TSNARE1: variants seen among roughly 807,000 people sequenced by gnomAD.
TSNARE1 encodes the protein t-SNARE domain-containing protein 1.
In TSNARE1, 49 loss-of-function variants were observed where a neutral mutation model predicts 62.0. The ratio of observed to expected loss-of-function variants is 0.79; its 90% CI spans 0.63 to 1.00. TSNARE1 has a LOEUF of 1.00. Ranked by LOEUF, TSNARE1 falls within the 50% of genes least tolerant of loss-of-function variation. The pLI is 0.00. For synonymous variants in TSNARE1, 328 were observed against 294.4 expected, an observed-to-expected ratio of 1.11 and a Z score of -1.17; for missense variants, 755 against 700.1, an observed-to-expected ratio of 1.08 and a Z score of -0.88.
intron 1 of TSNARE1, among the ~76,000 whole-genome samples, chr8:142,393,093 A>G (rs1286081635): frequency 6.6e-6 from 1 of 152,208 alleles, no homozygotes; most frequent in Non-Finnish European, 1.5e-5. Flanking sequence ...TCAAAATAGT[A>G]AAGTAAAAGG....
intron 10 of TSNARE1, among the ~76,000 whole-genome samples, chr8:142,297,875 G>A (rs944729945): frequency 3.3e-5 from 5 of 152,166 alleles, no homozygotes; most frequent in Non-Finnish European, 5.9e-5. Context: ...GTGTACAGAC[G>A]CCTTCCAAGA....
intron 1 of TSNARE1, among the ~76,000 whole-genome samples, chr8:142,397,662 G>C (rs1339232271): frequency 6.6e-6 from 1 of 152,220 alleles, no homozygotes; most frequent in African/African-American, 2.4e-5. Flanking sequence ...GAGGCTCCCA[G>C]GCCAGCGTGA....
intron 11 of TSNARE1, among the ~76,000 whole-genome samples, 170 bp downstream of exon 11, chr8:142,284,242 AG>A (rs528022752): frequency 7.2e-4 from 110 of 152,218 alleles, no homozygotes; most frequent in African/African-American, 2.5e-3. Context: ...GCAGGGCTGG[AG>A]GAAGACAGGG....
At chr8:142,222,704 TCACTCACTCATC>T (rs1195049118) in intron 13 of TSNARE1, among the ~76,000 whole-genome samples, 20,603 of 104,512 alleles carry the variant, frequency 0.2, 1,988 homozygotes, top group Non-Finnish European at 0.26. Context: ...ACTCATCCAC[TCACTCACTCATC>T]CACTCACTCA....
intron 13 of TSNARE1, among the ~76,000 whole-genome samples, chr8:142,219,370 T>C (rs1304688805): frequency 6.6e-6 from 1 of 152,120 alleles, no homozygotes; most frequent in East Asian, 1.9e-4. Flanking sequence ...TTGTTTTCAC[T>C]ACCACCCCCA....
intron 12 of TSNARE1, among the ~76,000 whole-genome samples, chr8:142,235,323 G>A (rs1252322073): frequency 2.0e-5 from 3 of 152,102 alleles, no homozygotes; most frequent in East Asian, 3.9e-4. Context: ...TGTCTAACGC[G>A]GGCCCCAGCG....
At chr8:142,376,781 C>T (rs1350280627) in intron 1 of TSNARE1, among the ~76,000 whole-genome samples, 1 of 152,176 alleles carries the variant, frequency 6.6e-6, no homozygotes, top group Non-Finnish European at 1.5e-5. Context: ...GAGTGGCAGA[C>T]CCGGGGCCTG....
At chr8:142,270,526 T>G in intron 12 of TSNARE1, 1 of 978,750 alleles carries the variant, frequency 1.0e-6, no homozygotes, top group Non-Finnish European at 1.2e-6. Context: ...AACAGAAAAT[T>G]GGATAGAAAT....
intron 9 of TSNARE1, among the ~76,000 whole-genome samples, chr8:142,310,532 T>G (rs1032996210): frequency 1.3e-4 from 19 of 151,326 alleles, no homozygotes; most frequent in Admixed American, 1.3e-4. Context: ...TGATGAGGAG[T>G]TCTCTCATTT....
At chr8:142,303,717 A>G (rs966413843) in intron 9 of TSNARE1, among the ~76,000 whole-genome samples, 3 of 152,188 alleles carry the variant, frequency 2.0e-5, no homozygotes, top group African/African-American at 7.2e-5. Context: ...GTGCGAGGCT[A>G]GGAGGGCTGT....
At position 142,224,533 on chromosome 8, in the gene TSNARE1, G is replaced by A. The variant is rs766186480; in HGVS notation, c.*11+4940C>T. Among the ~76,000 whole-genome samples the A allele has an allele frequency of 6.6e-5, 10 of 152,296 alleles. No individual in the cohort carries two copies. In the East Asian group the frequency reaches 1.2e-3, roughly 18 times the overall value. Reference sequence around the variant, plus strand: ...CAGATGAGTGAGGCTGGCTGGGTGCGGTCCCTCCTCACCGTGGAGACTCAC... The same window carrying A: ...CAGATGAGTGAGGCTGGCTGGGTGCAGTCCCTCCTCACCGTGGAGACTCAC... On this transcript the variant is annotated intron_variant, in intron 13 of 13. Coordinates refer to ENST00000524325, the MANE Select transcript of TSNARE1 (RefSeq NM_145003.5).
At chr8:142,348,923 G>A (rs889672311) in intron 2 of TSNARE1, among the ~76,000 whole-genome samples, 2 of 152,156 alleles carry the variant, frequency 1.3e-5, no homozygotes, top group African/African-American at 2.4e-5. Context: ...CACAGTTAGG[G>A]TGGCAGGACT....
intron 2 of TSNARE1, among the ~76,000 whole-genome samples, chr8:142,349,059 C>G (rs1278622547): frequency 6.6e-6 from 1 of 152,214 alleles, no homozygotes; most frequent in Non-Finnish European, 1.5e-5. Flanking sequence ...CCCGCCCACA[C>G]AGAAGGCCAA....
chr8:142,385,079 GAGAA>G (rs1564009012), intron 1 of TSNARE1, among the ~76,000 whole-genome samples: 2 of 152,096 alleles, frequency 1.3e-5, no homozygotes, highest in African/African-American at 4.8e-5. Flanking sequence ...AATGAGGTGA[GAGAA>G]AGAGAGAGAG....
chr8:142,395,116 C>A (rs1010340488), intron 1 of TSNARE1, among the ~76,000 whole-genome samples: 1 of 152,108 alleles, frequency 6.6e-6, no homozygotes, highest in Non-Finnish European at 1.5e-5. Context: ...AAAGGCTGAG[C>A]GGCCTAAAGG....
chr8:142,221,425 A>T (rs1433904206), intron 13 of TSNARE1, among the ~76,000 whole-genome samples: 1 of 152,178 alleles, frequency 6.6e-6, no homozygotes, highest in African/African-American at 2.4e-5. Flanking sequence ...CTGATATCTC[A>T]CAGCTTTCAG....
At chr8:142,315,872 C>G (rs1224444666) in intron 7 of TSNARE1, among the ~76,000 whole-genome samples, 1 of 152,224 alleles carries the variant, frequency 6.6e-6, no homozygotes, top group Non-Finnish European at 1.5e-5. Flanking sequence ...TTGACCTCTT[C>G]CCACAATCGA....
intron 11 of TSNARE1, chr8:142,275,708 G>A (rs1308398265): frequency 1.0e-6 from 1 of 985,356 alleles, no homozygotes; most frequent in African/African-American, 1.7e-5. Context: ...CTGGAGAAGA[G>A]CTTGGGAGGC....
At chr8:142,214,256 C>T (rs996412463) in intron 13 of TSNARE1, among the ~76,000 whole-genome samples, 1 of 152,198 alleles carries the variant, frequency 6.6e-6, no homozygotes, top group Non-Finnish European at 1.5e-5. Context: ...CCCCGCTCCC[C>T]ACCCACAGCT....
Sources: allele counts gnomAD v4.1 joint callset (sites outside exome capture counted in the v4.1 genomes callset), GRCh38; gene constraint gnomAD v4.1.1; transcripts MANE v1.5; gene names NCBI Gene and HGNC (gene_info 2026-07-23, HGNC 2026-07-21).